TUBGCP6: variants seen among roughly 807,000 people sequenced by gnomAD.
The protein encoded by TUBGCP6 is gamma-tubulin complex component 6.
In TUBGCP6, 161 loss-of-function variants were observed where a neutral mutation model predicts 175.8. That is an observed-to-expected ratio of 0.92 (90% CI 0.81 to 1.04). The LOEUF is 1.04. TUBGCP6 is among the 50% of genes least tolerant of loss of function. The pLI, the probability that TUBGCP6 is intolerant of heterozygous loss-of-function variation, is 0.00. For synonymous variants in TUBGCP6, 1,173 were observed against 1,030.5 expected (o/e 1.14, Z -2.65); for missense variants, 2,572 against 2,433.0 (o/e 1.06, Z -1.20).
In TUBGCP6 at chr22:50,220,794, C is replaced by T. The variant is rs724159976; in HGVS notation, c.3565G>A (p.Gly1189Arg). The T allele has an allele frequency of 6.2e-7, 1 of 1,600,822 alleles. No homozygotes were observed. The highest frequency in any genetic ancestry group is 1.1e-5 in the South Asian group (1 of 89,666). The change falls in exon 16 of 25, where the codon GGA (glycine) becomes AGA (arginine). Residue 1189 changes from glycine (G) to arginine (R), a missense_variant. Transcript: ENST00000248846. ...APARPRWNTH[G>R]HVSDASISLG... Reference sequence around the variant, plus strand: ...CTGATGCTGGCATCAGACACGTGTCCATGGGTGTTCCACCGTGGCCGGGCG... The same window carrying T: ...CTGATGCTGGCATCAGACACGTGTCTATGGGTGTTCCACCGTGGCCGGGCG...
At position 50,220,374 on chromosome 22, in the gene TUBGCP6, G is replaced by A. The variant is rs1284872313; in HGVS notation, c.3985C>T (p.Leu1329=). The A allele has an allele frequency of 6.4e-7, 1 of 1,568,498 alleles. No individual in the cohort carries two copies. The change falls in exon 16 of 25, where the codon CTG becomes TTG. Residue 1329 remains leucine, a synonymous_variant. Coordinates refer to ENST00000248846, the MANE Select transcript of TUBGCP6 (RefSeq NM_020461.4). ...PRLPVEVGPS[L]SSPSSGCGEG... ...CCGCAGCCCGAGCTGGGGGAGGACAGAGATGGCCCCACTTCTACAGGCAGC... is the reference window on the plus strand; with the variant it reads ...CCGCAGCCCGAGCTGGGGGAGGACAAAGATGGCCCCACTTCTACAGGCAGC...
chr22:50,219,143 A>T lies in TUBGCP6; in HGVS notation c.4551T>A (p.Tyr1517Ter), dbSNP rs1422084928. The T allele has an allele frequency of 1.9e-6, 3 of 1,613,120 alleles. No homozygotes were observed. The highest frequency in any genetic ancestry group is 1.7e-6 in the Non-Finnish European group (2 of 1,179,980). The stretch of plus-strand genomic sequence containing the variant: ...TCAGCAGGAAGTGCCGCAGTGCCTC[A>T]TAGTGCGCCTCCAGGTGCAGCTCCA... ...FFVELHLEAH[Y>*]EALRHFLLME... The change falls in exon 20 of 25, where the codon TAT (tyrosine) becomes TAA (stop). Residue 1517 changes from tyrosine to a stop codon, truncating the protein, a stop_gained. Transcript: ENST00000248846. LOFTEE classifies it high-confidence loss of function.
rs186785232 is a variant in TUBGCP6, at chr22:50,226,912, G to A, written c.1492-70C>T. The A allele has an allele frequency of 4.5e-4, 705 of 1,557,036 alleles. 3 individuals carry two copies. The East Asian group carries it at 6.2e-3, about 14-fold the overall frequency. ...GCTGGGAGTGAGGCGCAGCCCTGCC[G>A]GCAGCAGCCCTCCAGGGACACGCTC... On this transcript the variant is annotated intron_variant, in intron 6 of 24. Transcript: ENST00000248846.
chr22:50,230,814 T>C (rs1288426179), intron 3 of TUBGCP6, among the ~76,000 whole-genome samples: 1 of 149,294 alleles, frequency 6.7e-6, no homozygotes, highest in Non-Finnish European at 1.5e-5. Context: ...CTGGACGCAG[T>C]GGCTCACATC....
chr22:50,234,247 T>TAA (rs1171082840), intron 2 of TUBGCP6, among the ~76,000 whole-genome samples: 1 of 130,958 alleles, frequency 7.6e-6, no homozygotes, highest in Non-Finnish European at 1.6e-5. Context: ...CCACACCCTC[T>TAA]GTCCACGGAA....
rs147938947 is a variant in TUBGCP6, at chr22:50,225,860, G to A, written c.1917C>T (p.Asp639=). 5 of 1,613,942 alleles carry A rather than the reference G, an allele frequency of 3.1e-6. No individual in the cohort carries two copies. Among genetic ancestry groups the A allele is most frequent in the Non-Finnish European group, 4.2e-6 (5 of 1,179,992 alleles). Residue 639 remains aspartate, a synonymous_variant, in exon 10 of 25, where the codon GAC becomes GAT. Transcript: ENST00000248846. ...CCATGCGCCCAACGTAGACGGCACA[G>A]TCCTTCTCAATCTCCTTCAACTCCT... The part of the protein sequence containing the change: ...SLEELKEIEK[D]CAVYVGRMER...
At chr22:50,218,459 CG>C (rs750827388) in intron 22 of TUBGCP6, 28 bp downstream of exon 22, 1 of 1,612,994 alleles carries the variant, frequency 6.2e-7, no homozygotes, top group Non-Finnish European at 8.5e-7. Context: ...GCCAGGGGTG[CG>C]GGGCGCCGGG....
Position 50,219,734 on chromosome 22 carries a change from C to T in TUBGCP6, c.4225G>A (p.Ala1409Thr). The change falls in exon 18 of 25, where the codon GCG becomes ACG. Residue 1409 changes from alanine to threonine, a missense_variant. Ala to Thr is a moderately conservative substitution (Grantham distance 58, BLOSUM62 0). Coordinates refer to ENST00000248846, the MANE Select transcript of TUBGCP6 (RefSeq NM_020461.4). The part of the protein sequence containing the change: ...GRGEEAEASA[A>T]EAQGGEQAYL... ...GCCTGCTCCCCACCCTGAGCCTCCG[C>T]CGCCGATGCCTCCGCCTCCTCACCA... The T allele has an allele frequency of 6.2e-7, 1 of 1,613,806 alleles. No individual in the cohort carries two copies. Among genetic ancestry groups the T allele is most frequent in the Non-Finnish European group, 8.5e-7 (1 of 1,180,004 alleles).
chr22:50,217,912 C>T lies in TUBGCP6; in HGVS notation c.5368+6G>A. ...CCGCAGCCCTCCCAGCCAGGGTGGG[C>T]CTCACCTTTGAAGAGAAAGTGGGAG... On this transcript the variant is annotated splice_donor_region_variant and intron_variant, in intron 24 of 24. Transcript: ENST00000248846. 6.2e-7 allele frequency: 1 copy of T among 1,605,576 alleles called. No individual in the cohort carries two copies.
intron 1 of TUBGCP6, among the ~76,000 whole-genome samples, chr22:50,241,704 T>C (rs11703790): frequency 0.097 from 14,751 of 152,216 alleles, 977 homozygotes; most frequent in Non-Finnish European, 0.14. Context: ...AAGGGCCCCC[T>C]GTCCAGTTGA....
chr22:50,221,241 CG>C lies in TUBGCP6; in HGVS notation c.3117del (p.Tyr1039Ter). 10 of 1,614,176 alleles carry C rather than the reference CG, an allele frequency of 6.2e-6. No individual in the cohort carries two copies. Among genetic ancestry groups the C allele is most frequent in the Non-Finnish European group, 8.5e-6 (10 of 1,180,046 alleles). ...VSGGGLPTGD[Y>X]ASEIAPTRPR... is the part of the protein sequence containing the mutation. ...GGCCGGGTGGGAGCTATTTCAGAAG[CG>C]TAGTCCCCTGTGGGAAGACCACCCC... On this transcript the variant is annotated frameshift_variant, in exon 16 of 25. Coordinates refer to ENST00000248846, the MANE Select transcript of TUBGCP6 (RefSeq NM_020461.4). LOFTEE classifies it high-confidence loss of function.
chr22:50,239,607 G>A (rs1172627728), intron 2 of TUBGCP6, among the ~76,000 whole-genome samples: 2 of 152,238 alleles, frequency 1.3e-5, no homozygotes, highest in Non-Finnish European at 2.9e-5. Context: ...ACCGCATCCA[G>A]AGAGCAAGCT....
rs2064457675 is a variant in TUBGCP6 at position 50,218,556 on chromosome 22, G to A, written c.4886C>T (p.Ser1629Phe). The A allele has an allele frequency of 1.9e-6, 3 of 1,613,786 alleles. No individual in the cohort carries two copies. Among genetic ancestry groups the A allele is most frequent in the South Asian group, 2.2e-5 (2 of 91,078 alleles). The change falls in exon 22 of 25, where the codon TCC becomes TTC. Residue 1629 changes from serine to phenylalanine, a missense_variant. By Grantham distance (155) the Ser-to-Phe change is radical. Coordinates refer to ENST00000248846, the MANE Select transcript of TUBGCP6 (RefSeq NM_020461.4). ...GCVSKYSGVF[S>F]FLLQLKLMMW... ...CATGAGCTTCAGCTGCAGCAGGAAG[G>A]AGAAGACGCCGCTGTACTTGCTCAC...
Position 50,221,025 on chromosome 22 carries a change from T to A in TUBGCP6, c.3334A>T (p.Asn1112Tyr). 1 of 1,532,212 alleles carries A rather than the reference T, an allele frequency of 6.5e-7. No homozygotes were observed. The highest frequency in any genetic ancestry group is 2.5e-5 in the East Asian group (1 of 40,250). 94.9% of individuals were successfully genotyped at this position (1,532,212 alleles called of 1,614,324 possible). Residue 1112 changes from asparagine (N) to tyrosine (Y), a missense_variant, in exon 16 of 25, where the codon AAC (asparagine) becomes TAC (tyrosine). Physicochemically the swap from Asn to Tyr is moderately radical, Grantham distance 143. Coordinates refer to ENST00000248846, the MANE Select transcript of TUBGCP6 (RefSeq NM_020461.4). ...TTCTCCCCGACCCTGATGCTGGCGT[T>A]GGACACATGTCCATGGATGTTCCAC... ...PRWNIHGHVS[N>Y]ASIRVGENVS...
rs765831013 is a variant in TUBGCP6 at position 50,220,325 on chromosome 22, TCC to T, written c.4032_4033del (p.Asn1346ArgfsTer21). Reference sequence around the variant, plus strand: ...GGTGGGAGCCACGTCTGACACGTTCTCCCCCACGCTGATGCTCCCCTCCCCGC... The same window carrying T: ...GGTGGGAGCCACGTCTGACACGTTCTCCCACGCTGATGCTCCCCTCCCCGC... On this transcript the variant is annotated frameshift_variant, in exon 16 of 25. Transcript: ENST00000248846. LOFTEE classifies it high-confidence loss of function. 1 of 1,574,692 alleles carries T rather than the reference TCC, an allele frequency of 6.4e-7. No homozygotes were observed. Among genetic ancestry groups the T allele is most frequent in the African/African-American group, 1.4e-5 (1 of 73,976 alleles).
Position 50,219,455 on chromosome 22 carries a change from G to C in TUBGCP6, c.4317C>G (p.Ser1439=), listed in dbSNP as rs79022493. 3.4e-5 allele frequency: 53 copies of C among 1,580,414 alleles called. No homozygotes were observed. Among genetic ancestry groups the C allele is most frequent in the Non-Finnish European group, 4.6e-5 (53 of 1,164,710 alleles). ...ERYPDSYESM[S]EPPIAHLLRP... ...GCAAAAGATGAGCAATGGGCGGCTC[G>C]GCTGCGGGAGATGGAGCACGCACGT... The change falls in exon 19 of 25, where the codon TCC becomes TCG. Residue 1439 remains serine (S), a splice_region_variant and synonymous_variant. Transcript: ENST00000248846.
rs377104123 is a variant in TUBGCP6 at position 50,226,979 on chromosome 22, G to A, written c.1491+20C>T. ...TGGAGCCCACCAGGCTGACACACTC[G>A]GCAGGGACGCACAACTCACGGTGGG... is the stretch of plus-strand genomic sequence containing the variant. On this transcript the variant is annotated intron_variant, in intron 6 of 24. Coordinates refer to ENST00000248846, the MANE Select transcript of TUBGCP6 (RefSeq NM_020461.4). 2.3e-5 allele frequency: 37 copies of A among 1,608,622 alleles called. No individual in the cohort carries two copies. The highest frequency in any genetic ancestry group is 4.5e-5 in the East Asian group (2 of 44,638).
At chr22:50,232,315 G>A (rs1330074287) in intron 3 of TUBGCP6, among the ~76,000 whole-genome samples, 5 of 151,142 alleles carry the variant, frequency 3.3e-5, no homozygotes, top group African/African-American at 1.2e-4. Context: ...GCAGTGAGCC[G>A]AGACCGTGCC....
chr22:50,226,924 C>T, intron 6 of TUBGCP6, 75 bp downstream of exon 6: 3 of 1,561,712 alleles, frequency 1.9e-6, no homozygotes, highest in Non-Finnish European at 2.6e-6. Flanking sequence ...CAGCAGCCCT[C>T]CAGGGACACG....
Sources: allele counts gnomAD v4.1 joint callset (sites outside exome capture counted in the v4.1 genomes callset), GRCh38; gene constraint gnomAD v4.1.1; transcripts MANE v1.5; gene names NCBI Gene and HGNC (gene_info 2026-07-23, HGNC 2026-07-21).